Variants in DCAKD observed in about 807,000 individuals in gnomAD.
DCAKD encodes the protein dephospho-CoA kinase domain containing.
In DCAKD, 15 loss-of-function variants were observed where a neutral mutation model predicts 18.7. That is an observed-to-expected ratio of 0.80 (90% CI 0.54 to 1.24). DCAKD has a LOEUF of 1.24. Ranked by LOEUF, DCAKD falls within the 50% of genes most tolerant of loss-of-function variation. The pLI, the probability that DCAKD is intolerant of heterozygous loss-of-function variation, is 0.00. For missense variants in DCAKD, 301 were observed against 322.0 expected (o/e 0.93, Z 0.50); for synonymous variants, 130 against 133.0 (o/e 0.98, Z 0.16).
chr17:45,044,736 T>TAAAA (rs1263929563), intron 1 of DCAKD, among the ~76,000 whole-genome samples: 3 of 138,740 alleles, frequency 2.2e-5, no homozygotes, highest in East Asian at 4.3e-4. Context: ...AATAAATAAA[T>TAAAA]AAAAGCTGTG....
At chr17:45,058,969 G>A (rs1412743293) in intron 1 of DCAKD, among the ~76,000 whole-genome samples, 3 of 152,060 alleles carry the variant, frequency 2.0e-5, no homozygotes, top group East Asian at 1.9e-4. Context: ...GGCCGGGCGC[G>A]GTGGCTCACG....
chr17:45,053,169 TAAAAAAAAAAAAA>T (rs760029893), upstream of DCAKD, among the ~76,000 whole-genome samples: 3 of 75,736 alleles, frequency 4.0e-5, no homozygotes, highest in Non-Finnish European at 2.1e-5. Context: ...TGTCTCCAGT[TAAAAAAAAAAAAA>T]AAAAAAAAAA....
At chr17:45,058,549 A>G (rs2053812418) in intron 1 of DCAKD, among the ~76,000 whole-genome samples, 1 of 151,774 alleles carries the variant, frequency 6.6e-6, no homozygotes, top group Non-Finnish European at 1.5e-5. Flanking sequence ...CCTCCCAAGT[A>G]GCTGGGATTA....
At chr17:45,038,148 C>T (rs959759813) in intron 1 of DCAKD, among the ~76,000 whole-genome samples, 2 of 151,978 alleles carry the variant, frequency 1.3e-5, no homozygotes, top group African/African-American at 2.4e-5. Context: ...GCAATCTGGG[C>T]CCACTGCAAT....
At chr17:45,027,543 T>G (rs2053080047) in intron 4 of DCAKD, among the ~76,000 whole-genome samples, 2 of 152,202 alleles carry the variant, frequency 1.3e-5, no homozygotes. Context: ...AAGCAGGGCA[T>G]GAGTGGCACC....
intron 3 of DCAKD, chr17:45,031,225 A>T (rs2053165378): frequency 2.0e-6 from 2 of 985,286 alleles, no homozygotes; most frequent in Non-Finnish European, 2.4e-6. Flanking sequence ...TGATGCAGGG[A>T]CAATGGCGGT....
chr17:45,046,615 C>CAAAAA (rs746591313), intron 1 of DCAKD, among the ~76,000 whole-genome samples: 8 of 50,116 alleles, frequency 1.6e-4, no homozygotes, highest in South Asian at 1.6e-3. Flanking sequence ...GATTCCATCT[C>CAAAAA]AAAAAAAAAA....
Position 45,031,372 on chromosome 17 carries a change from C to G in DCAKD, c.317-1193G>C, listed in dbSNP as rs138607080. The G allele has an allele frequency of 2.5e-5, 25 of 983,302 alleles. No individual in the cohort carries two copies. In the African/African-American group the frequency reaches 4.2e-4, roughly 16 times the overall value. 60.9% of individuals were successfully genotyped at this position (983,302 alleles called of 1,614,324 possible). A position where few individuals can be genotyped will look rare whatever the true frequency, so the allele number is the denominator to read the frequency against. On this transcript the variant is annotated intron_variant, in intron 3 of 4. Coordinates refer to ENST00000651974, the MANE Select transcript of DCAKD (RefSeq NM_001288655.2). ...GACACACCTTGGTTGGTAGCCCCCC[C>G]ACCTTCCCCACCATGTGACCTTGGG...
chr17:45,034,866 G>A lies in DCAKD; in HGVS notation c.20C>T (p.Thr7Ile), dbSNP rs2053256534. ...GCTCTTGCCTGAGGCAATGCCCCCTGTCAGGCCCACCAGAAACATCTTCCA... is the reference window on the plus strand; with the variant it reads ...GCTCTTGCCTGAGGCAATGCCCCCTATCAGGCCCACCAGAAACATCTTCCA... MFLVGL[T>I]GGIASGKSSV... The change falls in exon 2 of 5, where the codon ACA (threonine) becomes ATA (isoleucine). Residue 7 changes from threonine to isoleucine, a missense_variant. Physicochemically the swap from Thr to Ile is moderately conservative, Grantham distance 89 (BLOSUM62 -1). Transcript: ENST00000651974. 1 of 1,611,708 alleles carries A rather than the reference G, an allele frequency of 6.2e-7. No homozygotes were observed. The highest frequency in any genetic ancestry group is 8.5e-7 in the Non-Finnish European group (1 of 1,178,460).
chr17:45,034,373 G>C lies in DCAKD; in HGVS notation c.130C>G (p.Pro44Ala), dbSNP rs1381715322. ...ACCTCTACGATGCGCCGGTGGGCAG[G>C]GTATCCTGGCTGCACGACTGTGGCA... is the stretch of plus-strand genomic sequence containing the variant. ...MARHVVQPGY[P>A]AHRRIVEVFG... is the part of the protein sequence containing the mutation. Residue 44 changes from proline to alanine, a missense_variant, in exon 3 of 5, where the codon CCT (proline) becomes GCT (alanine). Transcript: ENST00000651974. 6.2e-7 allele frequency: 1 copy of C among 1,613,780 alleles called. No homozygotes were observed. Among genetic ancestry groups the C allele is most frequent in the Non-Finnish European group, 8.5e-7 (1 of 1,180,020 alleles).
At chr17:45,032,550 C>T (rs1028297605) in intron 3 of DCAKD, among the ~76,000 whole-genome samples, 2 of 151,878 alleles carry the variant, frequency 1.3e-5, no homozygotes, top group East Asian at 1.9e-4. Flanking sequence ...TTTGGGAGGG[C>T]GAGGCAGGCA....
intron 1 of DCAKD, among the ~76,000 whole-genome samples, chr17:45,036,203 T>C (rs1283144668): frequency 6.6e-6 from 1 of 152,152 alleles, no homozygotes; most frequent in Non-Finnish European, 1.5e-5. Flanking sequence ...TTCTCATCCA[T>C]AAAATGAGGT....
chr17:45,057,205 C>T (rs1010224128), intron 1 of DCAKD, among the ~76,000 whole-genome samples: 4 of 151,920 alleles, frequency 2.6e-5, no homozygotes, highest in Admixed American at 1.3e-4. Flanking sequence ...CACAATGCCA[C>T]GCTAATTTTT....
intron 1 of DCAKD, among the ~76,000 whole-genome samples, chr17:45,045,807 C>G (rs116157379): frequency 1.3e-5 from 2 of 151,014 alleles, no homozygotes; most frequent in African/African-American, 4.9e-5. Context: ...CATGGGCAAG[C>G]TGGAACTCAA....
chr17:45,054,253 T>A (rs929319890), upstream of DCAKD: 12 of 420,796 alleles, frequency 2.9e-5, no homozygotes, highest in Non-Finnish European at 4.3e-5. Flanking sequence ...CAGTTTTATT[T>A]ATTTTTTTTT....
chr17:45,031,517 C>T, intron 3 of DCAKD: 1 of 983,404 alleles, frequency 1.0e-6, no homozygotes, highest in Non-Finnish European at 1.2e-6. Context: ...TACTCCTTCA[C>T]CAGTCCCTCG....
intron 1 of DCAKD, among the ~76,000 whole-genome samples, chr17:45,041,968 T>A (rs1477022309): frequency 1.3e-5 from 2 of 149,150 alleles, no homozygotes; most frequent in Admixed American, 6.7e-5. Context: ...AAAAAAAAAA[T>A]AGCTGGGCAT....
At chr17:45,025,744 C>CT (rs66731834) in intron 4 of DCAKD, among the ~76,000 whole-genome samples, 127 of 103,818 alleles carry the variant, frequency 1.2e-3, no homozygotes, top group East Asian at 3.0e-3. Context: ...TTGGTTCCTT[C>CT]TTTTTTTTTT....
At chr17:45,047,801 C>T (rs1433492084) in intron 1 of DCAKD, among the ~76,000 whole-genome samples, 1 of 151,834 alleles carries the variant, frequency 6.6e-6, no homozygotes, top group African/African-American at 2.4e-5. Context: ...CCGCGTCTGG[C>T]CCCTGGCTAG....
Sources: allele counts gnomAD v4.1 joint callset (sites outside exome capture counted in the v4.1 genomes callset), GRCh38; gene constraint gnomAD v4.1.1; transcripts MANE v1.5; gene names NCBI Gene and HGNC (gene_info 2026-07-23, HGNC 2026-07-21).